Variants in WDR35 observed in about 807,000 individuals in gnomAD.
WDR35 encodes WD repeat domain 35.
In WDR35, 118 loss-of-function variants were observed where a neutral mutation model predicts 158.3. The ratio of observed to expected loss-of-function variants is 0.75; its 90% confidence interval spans 0.64 to 0.87. The LOEUF (loss-of-function observed/expected upper bound fraction) is 0.87. WDR35 is among the 40% of genes least tolerant of loss of function. The probability of loss-of-function intolerance (pLI) is 0.00; values close to 1 mark genes in which losing one functional copy is unlikely to be tolerated. For missense variants in WDR35, 1,263 were observed against 1,405.8 expected, an observed-to-expected ratio of 0.90 and a Z score of 1.62; for synonymous variants, 448 against 476.1, an observed-to-expected ratio of 0.94 and a Z score of 0.77.
rs941140943 is a variant in WDR35 at position 19,913,544 on chromosome 2, A to G, written c.*14T>C. On this transcript the variant is annotated 3_prime_UTR_variant, in exon 27 of 27. Transcript: ENST00000281405. ...CTACATATATTTTACAGTTATATACAGTTTATCATTCCTTTATCCCACTGG... is the reference window on the plus strand; with the variant it reads ...CTACATATATTTTACAGTTATATACGGTTTATCATTCCTTTATCCCACTGG... The G allele has an allele frequency of 1.2e-6, 2 of 1,614,054 alleles. No individual in the cohort carries two copies. The highest frequency in any genetic ancestry group is 3.3e-5 in the Admixed American group (2 of 60,024).
chr2:19,979,712 AC>A (rs963621015), intron 4 of WDR35, among the ~76,000 whole-genome samples: 2 of 151,696 alleles, frequency 1.3e-5, no homozygotes, highest in African/African-American at 4.8e-5. Flanking sequence ...AGACCTGAAG[AC>A]CTACCTTGGA....
Position 19,912,529 on chromosome 2 carries a change from T to C in WDR35, c.*1029A>G, listed in dbSNP as rs531430310. ...AAACATATGAGATTGAGAAAGTGTA[T>C]TGTAGCTGCAAAAACAAAGTTGCGT... On this transcript the variant is annotated 3_prime_UTR_variant, in exon 27 of 27. Transcript: ENST00000281405. 8.5e-5 allele frequency: 13 copies of C among 152,342 alleles called. No individual in the cohort carries two copies. The South Asian group carries it at 2.1e-3, about 24-fold the overall frequency. 9.4% of individuals were successfully genotyped at this position (152,342 alleles called of 1,614,324 possible).
Position 19,913,292 on chromosome 2 carries a change from C to A in WDR35, c.*266G>T. 2.8e-6 allele frequency: 1 copy of A among 351,664 alleles called. No homozygotes were observed. Among genetic ancestry groups the A allele is most frequent in the Admixed American group, 4.2e-5 (1 of 23,644 alleles). 21.8% of individuals were successfully genotyped at this position (351,664 alleles called of 1,614,324 possible). On this transcript the variant is annotated 3_prime_UTR_variant, in exon 27 of 27. Transcript: ENST00000281405. ...GGAATATTTCCATGGTATCATGTAA[C>A]CAAAAACAAGATAAACAAAAGAGAG... is the stretch of plus-strand genomic sequence containing the variant.
intron 10 of WDR35, among the ~76,000 whole-genome samples, chr2:19,961,757 T>A (rs1671669227): frequency 6.6e-6 from 1 of 152,164 alleles, no homozygotes; most frequent in African/African-American, 2.4e-5. Context: ...GACAATAATG[T>A]CCACTTACTA....
At chr2:19,978,922 A>G in intron 4 of WDR35, 43 bp from the exon 5 acceptor site, 4 of 1,610,064 alleles carry the variant, frequency 2.5e-6, no homozygotes, top group Non-Finnish European at 2.5e-6. Context: ...AAACTTTCAC[A>G]TCTATTAAAT....
intron 7 of WDR35, 94 bp from the exon 8 acceptor site, chr2:19,973,802 C>CT: frequency 6.6e-7 from 1 of 1,504,570 alleles, no homozygotes; most frequent in Non-Finnish European, 9.0e-7. Flanking sequence ...ATTTTTAAAA[C>CT]TTTCCACATT....
At chr2:19,962,344 A>C in intron 10 of WDR35, 1 of 1,612,602 alleles carries the variant, frequency 6.2e-7, no homozygotes, top group Non-Finnish European at 8.5e-7. Flanking sequence ...AGCAATATAT[A>C]AATGACAGGA....
In WDR35 at chr2:19,913,352, T is replaced by C. The variant is rs1558317451; in HGVS notation, c.*206A>G. The C allele has an allele frequency of 3.9e-6, 2 of 509,680 alleles. No individual in the cohort carries two copies. Among genetic ancestry groups the C allele is most frequent in the Non-Finnish European group, 6.7e-6 (2 of 297,182 alleles). The allele number at this position is 509,680 out of a possible 1,614,324, so 31.6% of individuals were successfully genotyped here. ...GAAAACATGGTTGATTTTCATACAT[T>C]TATATGAAAATCGGCCTTATTATTT... On this transcript the variant is annotated 3_prime_UTR_variant, in exon 27 of 27. Coordinates refer to ENST00000281405, the MANE Select transcript of WDR35 (RefSeq NM_020779.4).
At chr2:19,935,391 T>G in intron 21 of WDR35, 80 bp downstream of exon 21, 1 of 1,466,116 alleles carries the variant, frequency 6.8e-7, no homozygotes, top group African/African-American at 1.4e-5. Context: ...TTCTTTATTG[T>G]GGGAGATATT....
intron 25 of WDR35, among the ~76,000 whole-genome samples, chr2:19,918,835 C>G (rs1211259718): frequency 1.3e-5 from 2 of 152,112 alleles, no homozygotes; most frequent in Non-Finnish European, 2.9e-5. Context: ...TTAGACAGAT[C>G]AACAAGACAG....
chr2:19,924,496 G>A (rs781579160), intron 25 of WDR35, among the ~76,000 whole-genome samples: 20 of 152,226 alleles, frequency 1.3e-4, no homozygotes, highest in East Asian at 3.9e-4. Flanking sequence ...CCCGGGAGGC[G>A]GAGCTTGCAG....
At chr2:19,956,522 T>C (rs1671438014) in intron 11 of WDR35, among the ~76,000 whole-genome samples, 1 of 152,116 alleles carries the variant, frequency 6.6e-6, no homozygotes. Context: ...CCTACAGAGC[T>C]GTTTGAAAGT....
intron 4 of WDR35, among the ~76,000 whole-genome samples, chr2:19,980,227 A>C (rs1257120302): frequency 6.6e-6 from 1 of 152,178 alleles, no homozygotes; most frequent in Non-Finnish European, 1.5e-5. Context: ...GAACATGTAC[A>C]CTGTGCTATG....
chr2:19,969,892 C>T (rs1011079244), intron 8 of WDR35, among the ~76,000 whole-genome samples: 8 of 151,860 alleles, frequency 5.3e-5, no homozygotes, highest in African/African-American at 1.7e-4. Flanking sequence ...GGACTACAGG[C>T]GCCCGCCACC....
chr2:19,944,725 C>G (rs1403596636), intron 16 of WDR35, among the ~76,000 whole-genome samples: 3 of 152,018 alleles, frequency 2.0e-5, no homozygotes, highest in African/African-American at 7.2e-5. Flanking sequence ...TTTAACAGAG[C>G]CTTTGAGAGC....
intron 18 of WDR35, 103 bp from the exon 19 acceptor site, chr2:19,938,049 G>A (rs1670757836): frequency 1.4e-6 from 2 of 1,461,272 alleles, no homozygotes; most frequent in Admixed American, 1.9e-5. Flanking sequence ...TATTTCTAGA[G>A]AAACATGGTG....
At chr2:19,964,404 G>T in intron 10 of WDR35, among the ~76,000 whole-genome samples, 1 of 111,582 alleles carries the variant, frequency 9.0e-6, no homozygotes, top group East Asian at 2.8e-4. Context: ...TTTCTTTGGA[G>T]ACAGAGTCTT....
intron 14 of WDR35, among the ~76,000 whole-genome samples, chr2:19,947,058 T>C (rs1671082552): frequency 6.6e-6 from 1 of 152,210 alleles, no homozygotes; most frequent in Non-Finnish European, 1.5e-5. Context: ...GGAAAGATGA[T>C]CTGAATGCAG....
At chr2:19,981,554 G>A (rs1398864868) in intron 3 of WDR35, among the ~76,000 whole-genome samples, 1 of 151,820 alleles carries the variant, frequency 6.6e-6, no homozygotes, top group African/African-American at 2.4e-5. Context: ...ATCTTGCACT[G>A]TCACCAAGGC....
Sources: allele counts gnomAD v4.1 joint callset (sites outside exome capture counted in the v4.1 genomes callset), GRCh38; gene constraint gnomAD v4.1.1; transcripts MANE v1.5; gene names NCBI Gene and HGNC (gene_info 2026-07-23, HGNC 2026-07-21).